Variants in ACOX3 observed in about 807,000 individuals in gnomAD.
ACOX3 encodes peroxisomal acyl-coenzyme A oxidase 3.
ACOX3 carries 73 observed loss-of-function variants against 81.5 expected under a neutral mutation model. The ratio of observed to expected loss-of-function variants is 0.90; its 90% CI spans 0.74 to 1.09. ACOX3 has a LOEUF of 1.09. Among genes scored for constraint, ACOX3 ranks in the 50% least tolerant of loss-of-function variants. The probability of loss-of-function intolerance (pLI) is 0.00; values close to 1 mark genes in which losing one functional copy is unlikely to be tolerated. For missense variants in ACOX3, 947 were observed against 928.0 expected (o/e 1.02, Z -0.27); for synonymous variants, 387 against 375.1 (o/e 1.03, Z -0.37).
rs748529024 is a variant in ACOX3 at position 8,394,645 on chromosome 4, G to C, written c.1154C>G (p.Ala385Gly). 1 of 1,613,806 alleles carries C rather than the reference G, an allele frequency of 6.2e-7. No homozygotes were observed. Among genetic ancestry groups the C allele is most frequent in the Admixed American group, 1.7e-5 (1 of 60,030 alleles). ...LDLVELQRGLASGDRSARQAE... is the reference protein window; with the variant it reads ...LDLVELQRGLGSGDRSARQAE... ...CTGTCTGGCGCTGCGGTCTCCCGAT[G>C]CAAGTCCTCGCTGGAGCTCCACCAG... Residue 385 changes from alanine (A) to glycine (G), a missense_variant, in exon 10 of 18, where the codon GCA becomes GGA. Ala to Gly is a moderately conservative substitution (Grantham distance 60). Transcript: ENST00000356406. The surrounding 1 kb of genome is among the most constrained non-coding windows in gnomAD (Gnocchi z 5.9).
At chr4:8,421,534 G>T (rs1722949384) in intron 1 of ACOX3, among the ~76,000 whole-genome samples, 1 of 152,116 alleles carries the variant, frequency 6.6e-6, no homozygotes, top group Admixed American at 6.6e-5. Context: ...ATACCTCCTG[G>T]GTCCTAACCA....
chr4:8,371,395 C>T (rs1158312934), intron 16 of ACOX3, among the ~76,000 whole-genome samples: 1 of 152,160 alleles, frequency 6.6e-6, no homozygotes, highest in Non-Finnish European at 1.5e-5. Context: ...CATTTATGAG[C>T]ACTTGGAAAA....
At chr4:8,421,265 G>A (rs1430537715) in intron 1 of ACOX3, among the ~76,000 whole-genome samples, 3 of 152,218 alleles carry the variant, frequency 2.0e-5, no homozygotes, top group South Asian at 2.1e-4. Flanking sequence ...GATTAATGTG[G>A]CCACCGGACT....
Position 8,386,346 on chromosome 4 carries a change from C to T in ACOX3, c.1537+2827G>A, listed in dbSNP as rs1314466509. Among the ~76,000 whole-genome samples, 1 of 152,046 alleles carries T rather than the reference C, an allele frequency of 6.6e-6. No individual in the cohort carries two copies. The highest frequency in any genetic ancestry group is 1.9e-4 in the East Asian group (1 of 5,162). On this transcript the variant is annotated intron_variant, in intron 13 of 17. Transcript: ENST00000356406. The surrounding 1 kb of genome is among the most constrained non-coding windows in gnomAD (Gnocchi z 5.2). ...CTTCGGGAGGCCAAGGTGGGCGGAT[C>T]ACGAGGTCAGGATATCGAGACCATC...
At chr4:8,363,382 T>G (rs1715273334), downstream of ACOX3, among the ~76,000 whole-genome samples, 1 of 152,226 alleles carries the variant, frequency 6.6e-6, no homozygotes, top group African/African-American at 2.4e-5. Flanking sequence ...TCACCTTTTG[T>G]GAGAACTCAA....
rs1004696165 is a variant in ACOX3, at chr4:8,431,437, C to A, written c.-15+9211G>T. On this transcript the variant is annotated intron_variant, in intron 1 of 17. Coordinates refer to ENST00000356406, the MANE Select transcript of ACOX3 (RefSeq NM_003501.3). This position sits in a 1 kb window ranked among gnomAD's most constrained non-coding sequence, Gnocchi z 5.3. ...CTCCTGGGCCTGAGGACACTGCTGA[C>A]CTGCATCTGACAGGGAACACGGGCC... Among the ~76,000 whole-genome samples the A allele has an allele frequency of 1.3e-5, 2 of 152,168 alleles. No individual in the cohort carries two copies. The highest frequency in any genetic ancestry group is 4.8e-5 in the African/African-American group (2 of 41,432).
intron 14 of ACOX3, among the ~76,000 whole-genome samples, chr4:8,378,006 G>C (rs1343154567): frequency 6.6e-6 from 1 of 152,166 alleles, no homozygotes; most frequent in Non-Finnish European, 1.5e-5. Flanking sequence ...GACCACCTCA[G>C]CTGCCCCTCC....
intron 15 of ACOX3, 73 bp from the exon 16 acceptor site, chr4:8,373,701 G>T: frequency 6.9e-7 from 1 of 1,447,564 alleles, no homozygotes; most frequent in Non-Finnish European, 9.5e-7. Context: ...CATGCCCTGA[G>T]TGCACTTTCC....
intron 14 of ACOX3, among the ~76,000 whole-genome samples, chr4:8,380,210 G>A (rs1372142953): frequency 1.6e-5 from 2 of 124,634 alleles, no homozygotes; most frequent in East Asian, 2.2e-4. Flanking sequence ...TTTTTTTTGA[G>A]ATGGAGTCTT....
chr4:8,408,948 G>A (rs929308617), intron 6 of ACOX3, among the ~76,000 whole-genome samples: 10 of 142,066 alleles, frequency 7.0e-5, no homozygotes, highest in South Asian at 2.3e-4. Flanking sequence ...CAGGTGAACA[G>A]CATCAGTATG....
rs80027017 is a variant in ACOX3 at position 8,375,756 on chromosome 4, G to A, written c.1654-604C>T. 3.7e-3 allele frequency among the ~76,000 whole-genome samples: 558 copies of A among 152,356 alleles called. 24 individuals are homozygous for A. The East Asian group carries it at 0.094, about 26-fold the overall frequency. On this transcript the variant is annotated intron_variant, in intron 14 of 17. Coordinates refer to ENST00000356406, the MANE Select transcript of ACOX3 (RefSeq NM_003501.3). ...ATGTTTAGCTCCCACTTGTACATGT[G>A]AACATGCAGCATTTGATTTTCTGTT...
intron 11 of ACOX3, among the ~76,000 whole-genome samples, chr4:8,391,049 A>G (rs28478929): frequency 5.9e-5 from 9 of 151,434 alleles, no homozygotes; most frequent in Admixed American, 5.2e-4. Context: ...GTATATGTAT[A>G]TGTATATGTA....
At chr4:8,374,675 T>C (rs7700122) in intron 15 of ACOX3, 1 of 294,724 alleles carries the variant, frequency 3.4e-6, no homozygotes, top group South Asian at 1.5e-4. Flanking sequence ...TGGGACCTAG[T>C]GGGTGGGCTT....
rs940626620 is a variant in ACOX3 at position 8,407,778 on chromosome 4, C to T, written c.688-1735G>A. Reference sequence around the variant, plus strand: ...TACAGGTCCAGCCAGCTAATGGCTGCGCACTGTGGGAACTCGACGGAAGGA... The same window carrying T: ...TACAGGTCCAGCCAGCTAATGGCTGTGCACTGTGGGAACTCGACGGAAGGA... On this transcript the variant is annotated intron_variant, in intron 6 of 17. Coordinates refer to ENST00000356406, the MANE Select transcript of ACOX3 (RefSeq NM_003501.3). The surrounding 1 kb of genome is among the most constrained non-coding windows in gnomAD (Gnocchi z 4.6). 4.6e-5 allele frequency among the ~76,000 whole-genome samples: 7 copies of T among 152,216 alleles called. No individual in the cohort carries two copies. Among genetic ancestry groups the T allele is most frequent in the Non-Finnish European group, 7.3e-5 (5 of 68,042 alleles).
chr4:8,392,264 G>C, intron 11 of ACOX3, 69 bp downstream of exon 11: 1 of 1,369,912 alleles, frequency 7.3e-7, no homozygotes, highest in Admixed American at 2.9e-5. Flanking sequence ...GCAGTCTGCC[G>C]ACCCCTGGTC....
intron 1 of ACOX3, among the ~76,000 whole-genome samples, chr4:8,428,006 C>T (rs1182567358): frequency 6.6e-6 from 1 of 152,238 alleles, no homozygotes; most frequent in East Asian, 1.9e-4. Context: ...TCACATGAGA[C>T]GCTTGGAGCA....
At chr4:8,421,900 C>T (rs960830000) in intron 1 of ACOX3, among the ~76,000 whole-genome samples, 6 of 152,190 alleles carry the variant, frequency 3.9e-5, no homozygotes, top group Non-Finnish European at 7.3e-5. Flanking sequence ...AGCTTACCTC[C>T]CCCACTGCAA....
the ACOX3 span, chr4:8,356,472 C>T: frequency 2.3e-6 from 1 of 441,858 alleles, no homozygotes; most frequent in Non-Finnish European, 4.6e-6. Flanking sequence ...TAAACTTGTA[C>T]ATTCATGTTA....
intron 16 of ACOX3, among the ~76,000 whole-genome samples, chr4:8,371,363 A>G (rs1439382748): frequency 2.0e-5 from 3 of 152,224 alleles, no homozygotes; most frequent in Non-Finnish European, 4.4e-5. Context: ...AAATATGTTC[A>G]GAAAACATGT....
Sources: gnomAD v4.1 joint callset for allele counts (sites outside exome capture counted in the v4.1 genomes callset) on GRCh38, gnomAD v4.1.1 for gene constraint, Gnocchi (gnomAD v3.1) non-coding constraint, MANE v1.5 for transcripts, NCBI Gene and HGNC (gene_info 2026-07-23, HGNC 2026-07-21) for gene names.